The following POM121L2 variants were observed in gnomAD, a reference collection of about 807,000 sequenced individuals.
POM121L2 encodes the protein POM121 transmembrane nucleoporin like 2.
For missense variants in POM121L2, 1,167 were observed against 1,260.3 expected (o/e 0.93, Z 1.12); for synonymous variants, 459 against 483.8 (o/e 0.95, Z 0.67).
In POM121L2 at chr6:27,310,256, G is replaced by A; in HGVS notation, c.1915C>T (p.Pro639Ser). Residue 639 changes from proline to serine, a missense_variant, in exon 1 of 1, where the codon CCA (proline) becomes TCA (serine). By Grantham distance (74) the Pro-to-Ser change is moderately conservative. Coordinates refer to ENST00000444565, the MANE Select transcript of POM121L2 (RefSeq NM_033482.4). The stretch of plus-strand genomic sequence containing the variant: ...TTCACTACACCAAAATCCAAAGGTG[G>A]CTTAAAAACAGAGTCTTTAGATGTG... Reference protein sequence around the residue: ...ASTSKDSVFKPPLDFGVVNVT... With the variant: ...ASTSKDSVFKSPLDFGVVNVT... 6.4e-7 allele frequency: 1 copy of A among 1,552,352 alleles called. No homozygotes were observed. Among genetic ancestry groups the A allele is most frequent in the East Asian group, 2.4e-5 (1 of 40,918 alleles).
rs1299381741 is a variant in POM121L2 at position 27,309,927 on chromosome 6, C to G, written c.2244G>C (p.Leu748=). The G allele has an allele frequency of 2.6e-6, 4 of 1,551,578 alleles. No homozygotes were observed. Among genetic ancestry groups the G allele is most frequent in the Non-Finnish European group, 3.5e-6 (4 of 1,147,004 alleles). ...CCAAGGGACTTGTGATTGCTGGAGT[C>G]AGGTTGGAGATGCTGGGGGTTGATG... is the stretch of plus-strand genomic sequence containing the variant. ...WLASTPSISN[L]TPAITSPLGS... is the part of the protein sequence containing the mutation. Residue 748 remains leucine, a synonymous_variant, in exon 1 of 1, where the codon CTG becomes CTC. Coordinates refer to ENST00000444565, the MANE Select transcript of POM121L2 (RefSeq NM_033482.4).
Position 27,309,873 on chromosome 6 carries a change from T to G in POM121L2, c.2298A>C (p.Leu766=). The change falls in exon 1 of 1, where the codon CTA becomes CTC. Residue 766 remains leucine (L), a synonymous_variant. Coordinates refer to ENST00000444565, the MANE Select transcript of POM121L2 (RefSeq NM_033482.4). ...LGSSSRPPFP[L]SQGANPQPAF... is the part of the protein sequence containing the mutation. ...CAGGCTGGGGATTAGCTCCTTGGGA[T>G]AGTGGGAAAGGTGGCCTTGAGCTTG... The G allele has an allele frequency of 6.4e-7, 1 of 1,551,694 alleles. No individual in the cohort carries two copies. The highest frequency in any genetic ancestry group is 8.7e-7 in the Non-Finnish European group (1 of 1,146,984).
Position 27,309,811 on chromosome 6 carries a change from G to A in POM121L2, c.2360C>T (p.Ser787Phe). ...GATNGQKQGP[S>F]QPALMPSVSS... ...GACACTTGGCATAAGGGCTGGCTGGGAAGGCCCTTGTTTCTGTCCATTTGT... is the reference window on the plus strand; with the variant it reads ...GACACTTGGCATAAGGGCTGGCTGGAAAGGCCCTTGTTTCTGTCCATTTGT... The change falls in exon 1 of 1, where the codon TCC (serine) becomes TTC (phenylalanine). Residue 787 changes from serine (S) to phenylalanine (F), a missense_variant. Ser to Phe is a radical substitution (Grantham distance 155). Coordinates refer to ENST00000444565, the MANE Select transcript of POM121L2 (RefSeq NM_033482.4). 1.3e-6 allele frequency: 2 copies of A among 1,551,776 alleles called. No individual in the cohort carries two copies. The highest frequency in any genetic ancestry group is 2.4e-5 in the South Asian group (2 of 84,064).
chr6:27,308,770 C>T lies in POM121L2; in HGVS notation c.*293G>A, dbSNP rs988356968. 6.6e-6 allele frequency among the ~76,000 whole-genome samples: 1 copy of T among 152,152 alleles called. No homozygotes were observed. Among genetic ancestry groups the T allele is most frequent in the African/African-American group, 2.4e-5 (1 of 41,444 alleles). ...TTGGAAAGTCTGGATATTATAGATC[C>T]TGCTGCTGTGCACACTGCACACCTG... On this transcript the variant is annotated 3_prime_UTR_variant, in exon 1 of 1. Coordinates refer to ENST00000444565, the MANE Select transcript of POM121L2 (RefSeq NM_033482.4).
Position 27,309,748 on chromosome 6 carries a change from A to G in POM121L2, c.2423T>C (p.Leu808Ser). The G allele has an allele frequency of 6.4e-7, 1 of 1,551,712 alleles. No individual in the cohort carries two copies. The highest frequency in any genetic ancestry group is 8.7e-7 in the Non-Finnish European group (1 of 1,146,982). ...AGCTGGAGTTGGCATGGGGGTTGGC[A>G]ATGCCACTGCTGAGCTCCCAAAAAG... Reference protein sequence around the residue: ...SFLFGSSAVALPTPMPTPAQP... With the variant: ...SFLFGSSAVASPTPMPTPAQP... The change falls in exon 1 of 1, where the codon TTG becomes TCG. Residue 808 changes from leucine to serine, a missense_variant. By Grantham distance (145) the Leu-to-Ser change is moderately radical (BLOSUM62 -2). Transcript: ENST00000444565.
In POM121L2 at chr6:27,308,958, G is replaced by T; in HGVS notation, c.*105C>A. On this transcript the variant is annotated 3_prime_UTR_variant, in exon 1 of 1. Transcript: ENST00000444565. ...CACAGTGTGAACATCTAAAGCTCCA[G>T]TTTTAGATCTGGAGTATGTTTACTT... The T allele has an allele frequency of 1.2e-6, 1 of 869,260 alleles. No homozygotes were observed. Among genetic ancestry groups the T allele is most frequent in the Non-Finnish European group, 1.8e-6 (1 of 569,878 alleles). 53.8% of individuals were successfully genotyped at this position (869,260 alleles called of 1,614,324 possible).
rs1210988204 is a variant in POM121L2, at chr6:27,309,221, T to C, written c.2950A>G (p.Ser984Gly). Residue 984 changes from serine to glycine, a missense_variant, in exon 1 of 1, where the codon AGT (serine) becomes GGT (glycine). Coordinates refer to ENST00000444565, the MANE Select transcript of POM121L2 (RefSeq NM_033482.4). ...PVPGQAKAGS[S>G]VGFGMPFPPA... is the part of the protein sequence containing the mutation. ...GGAAAAGGCATCCCAAAGCCAACAC[T>C]GCTGCCTGCCTTAGCTTGTCCAGGG... 1.3e-6 allele frequency: 2 copies of C among 1,551,820 alleles called. No homozygotes were observed. Among genetic ancestry groups the C allele is most frequent in the Admixed American group, 2.0e-5 (1 of 51,012 alleles).
rs1760705263 is a variant in POM121L2 at position 27,309,002 on chromosome 6, TGAGG to T, written c.*57_*60del. 3.1e-6 allele frequency: 4 copies of T among 1,296,486 alleles called. No homozygotes were observed. The Middle Eastern group carries it at 6.9e-4, about 224-fold the overall frequency. The allele number at this position is 1,296,486 out of a possible 1,614,324, so 80.3% of individuals were successfully genotyped here. A position where few individuals can be genotyped will look rare whatever the true frequency, so the allele number is the denominator to read the frequency against. Reference sequence around the variant, plus strand: ...TTTACTTTAGAAAATTGGAAGACACTGAGGTTTTTCAAAAACAATACTGAGGTCT... The same window carrying T: ...TTTACTTTAGAAAATTGGAAGACACTTTTTTCAAAAACAATACTGAGGTCT... On this transcript the variant is annotated 3_prime_UTR_variant, in exon 1 of 1. Coordinates refer to ENST00000444565, the MANE Select transcript of POM121L2 (RefSeq NM_033482.4).
In POM121L2 at chr6:27,311,195, A is replaced by G. The variant is rs1299238855; in HGVS notation, c.976T>C (p.Ser326Pro). 12 of 1,551,850 alleles carry G rather than the reference A, an allele frequency of 7.7e-6. No individual in the cohort carries two copies. In the Admixed American group the frequency reaches 1.2e-4, roughly 15 times the overall value. ...QQNQKIPQLP[S>P]SPENLVSEIP... is the part of the protein sequence containing the mutation. The stretch of plus-strand genomic sequence containing the variant: ...TCTGACACCAGGTTCTCAGGGCTAG[A>G]CGGCAGCTGTGGAATCTTCTGGTTT... The change falls in exon 1 of 1, where the codon TCT becomes CCT. Residue 326 changes from serine to proline, a missense_variant. Physicochemically the swap from Ser to Pro is moderately conservative, Grantham distance 74. Coordinates refer to ENST00000444565, the MANE Select transcript of POM121L2 (RefSeq NM_033482.4).
In POM121L2 at chr6:27,311,853, C is replaced by A. The variant is rs16897557; in HGVS notation, c.318G>T (p.Trp106Cys). ...AAATTGGCCTGGGATGTCGAAGAGA[C>A]CAAATAGTCCGCTTTAAGTAACTTT... ...WWESYLKRTI[W>C]SLRHPRPIWS... is the part of the protein sequence containing the mutation. The change falls in exon 1 of 1, where the codon TGG (tryptophan) becomes TGT (cysteine). Residue 106 changes from tryptophan to cysteine, a missense_variant. Trp to Cys is a radical substitution (Grantham distance 215). Transcript: ENST00000444565. 19,924 of 1,551,684 alleles carry A rather than the reference C, an allele frequency of 0.013. 341 individuals are homozygous for A. Among genetic ancestry groups the A allele is most frequent in the East Asian group, 0.071 (2,887 of 40,912 alleles).
In POM121L2 at chr6:27,311,116, C is replaced by T. The variant is rs540957976; in HGVS notation, c.1055G>A (p.Gly352Glu). 1.1e-5 allele frequency: 17 copies of T among 1,551,766 alleles called. 1 individual carries two copies. In the African/African-American group the frequency reaches 1.9e-4, roughly 17 times the overall value. ...GCTTACCTGTAGCTCAGCTTTCTTCCCCAAAGTCAAGTTCTCATCAGAGAC... is the reference window on the plus strand; with the variant it reads ...GCTTACCTGTAGCTCAGCTTTCTTCTCCAAAGTCAAGTTCTCATCAGAGAC... ...YAVSDENLTL[G>E]KKAELQVSNN... is the part of the protein sequence containing the mutation. Residue 352 changes from glycine to glutamate, a missense_variant, in exon 1 of 1, where the codon GGG becomes GAG. Physicochemically the swap from Gly to Glu is moderately conservative, Grantham distance 98. Transcript: ENST00000444565.
Position 27,311,196 on chromosome 6 carries a change from C to A in POM121L2, c.975G>T (p.Pro325=), listed in dbSNP as rs370831304. The A allele has an allele frequency of 6.4e-7, 1 of 1,551,942 alleles. No homozygotes were observed. The highest frequency in any genetic ancestry group is 8.7e-7 in the Non-Finnish European group (1 of 1,147,060). The change falls in exon 1 of 1, where the codon CCG becomes CCT. Residue 325 remains proline, a synonymous_variant. Coordinates refer to ENST00000444565, the MANE Select transcript of POM121L2 (RefSeq NM_033482.4). ...GQQNQKIPQL[P]SSPENLVSEI... is the part of the protein sequence containing the mutation. ...CTGACACCAGGTTCTCAGGGCTAGA[C>A]GGCAGCTGTGGAATCTTCTGGTTTT...
chr6:27,311,771 A>G lies in POM121L2; in HGVS notation c.400T>C (p.Ser134Pro). Reference sequence around the variant, plus strand: ...GCAAGGGCAATTACATCTTCAGGAGAAGTGGAAGGGGGCACTCTCTGGTCA... The same window carrying G: ...GCAAGGGCAATTACATCTTCAGGAGGAGTGGAAGGGGGCACTCTCTGGTCA... ...PPDQRVPPST[S>P]PEDVIALAGL... is the part of the protein sequence containing the mutation. The change falls in exon 1 of 1, where the codon TCT becomes CCT. Residue 134 changes from serine (S) to proline (P), a missense_variant. Ser to Pro is a moderately conservative substitution (Grantham distance 74). Coordinates refer to ENST00000444565, the MANE Select transcript of POM121L2 (RefSeq NM_033482.4). 2 of 1,551,708 alleles carry G rather than the reference A, an allele frequency of 1.3e-6. No individual in the cohort carries two copies. Among genetic ancestry groups the G allele is most frequent in the Admixed American group, 3.9e-5 (2 of 51,002 alleles).
rs368065166 is a variant in POM121L2 at position 27,309,131 on chromosome 6, C to T, written c.3040G>A (p.Ala1014Thr). Residue 1014 changes from alanine to threonine, a missense_variant, in exon 1 of 1, where the codon GCA (alanine) becomes ACA (threonine). By Grantham distance (58) the Ala-to-Thr change is moderately conservative. Coordinates refer to ENST00000444565, the MANE Select transcript of POM121L2 (RefSeq NM_033482.4). Reference protein sequence around the residue: ...RSSASSFSIGAKSKTPKNREK... With the variant: ...RSSASSFSIGTKSKTPKNREK... ...CGATTCTTTGGGGTTTTTGATTTTG[C>T]GCCAATGGAAAATGAAGAGGCTGAT... 71 of 1,551,720 alleles carry T rather than the reference C, an allele frequency of 4.6e-5. No individual in the cohort carries two copies. In the African/African-American group the frequency reaches 8.2e-4, roughly 18 times the overall value.
Position 27,309,814 on chromosome 6 carries a change from G to A in POM121L2, c.2357C>T (p.Pro786Leu), listed in dbSNP as rs1434874008. Residue 786 changes from proline to leucine, a missense_variant, in exon 1 of 1, where the codon CCT becomes CTT. Transcript: ENST00000444565. ...FGATNGQKQG[P>L]SQPALMPSVS... is the part of the protein sequence containing the mutation. ...ACTTGGCATAAGGGCTGGCTGGGAA[G>A]GCCCTTGTTTCTGTCCATTTGTGGC... 4 of 1,551,784 alleles carry A rather than the reference G, an allele frequency of 2.6e-6. No homozygotes were observed. The highest frequency in any genetic ancestry group is 3.5e-6 in the Non-Finnish European group (4 of 1,147,012).
rs1211652648 is a variant in POM121L2, at chr6:27,308,432, A to G, written c.*631T>C. On this transcript the variant is annotated 3_prime_UTR_variant, in exon 1 of 1. Coordinates refer to ENST00000444565, the MANE Select transcript of POM121L2 (RefSeq NM_033482.4). The stretch of plus-strand genomic sequence containing the variant: ...ATTTTTGAGAAAAAAATGGAAATAA[A>G]TGTTCTTCAACAGGTGAATGGATAA... 1.3e-5 allele frequency among the ~76,000 whole-genome samples: 2 copies of G among 152,212 alleles called. No homozygotes were observed. Among genetic ancestry groups the G allele is most frequent in the Non-Finnish European group, 2.9e-5 (2 of 68,036 alleles).
rs1488589503 is a variant in POM121L2, at chr6:27,310,630, C to T, written c.1541G>A (p.Ser514Asn). 7 of 1,551,780 alleles carry T rather than the reference C, an allele frequency of 4.5e-6. No homozygotes were observed. Among genetic ancestry groups the T allele is most frequent in the Non-Finnish European group, 5.2e-6 (6 of 1,147,056 alleles). Reference protein sequence around the residue: ...IQSTLLGMVSSPTSHLSASAP... With the variant: ...IQSTLLGMVSNPTSHLSASAP... ...AGATGCAGAAAGATGGGATGTTGGG[C>T]TACTCACCATTCCAAGCAAAGTACT... Residue 514 changes from serine (S) to asparagine (N), a missense_variant, in exon 1 of 1, where the codon AGC (serine) becomes AAC (asparagine). Physicochemically the swap from Ser to Asn is conservative, Grantham distance 46. Transcript: ENST00000444565.
At position 27,310,906 on chromosome 6, in the gene POM121L2, TGTG is replaced by T; in HGVS notation, c.1262_1264del (p.Pro421del). The T allele has an allele frequency of 6.4e-7, 1 of 1,551,868 alleles. No homozygotes were observed. Among genetic ancestry groups the T allele is most frequent in the Non-Finnish European group, 8.7e-7 (1 of 1,146,986 alleles). ...CACACTGGTTGCCTCTCCCGTGGAC[TGTG>T]GAGAGGCCAGTGGACCTAGAGACTT... On this transcript the variant is annotated inframe_deletion, in exon 1 of 1. Coordinates refer to ENST00000444565, the MANE Select transcript of POM121L2 (RefSeq NM_033482.4).
In POM121L2 at chr6:27,311,580, C is replaced by T. The variant is rs1242274278; in HGVS notation, c.591G>A (p.Lys197=). 3 of 1,551,748 alleles carry T rather than the reference C, an allele frequency of 1.9e-6. No individual in the cohort carries two copies. Among genetic ancestry groups the T allele is most frequent in the Non-Finnish European group, 2.6e-6 (3 of 1,147,022 alleles). The change falls in exon 1 of 1, where the codon AAG becomes AAA. Residue 197 remains lysine, a synonymous_variant. Transcript: ENST00000444565. ...TGAGGGTTCCATTTTTCATCAGGGGCTTAAATGCCGATGGTCTGGTCTCTG... is the reference window on the plus strand; with the variant it reads ...TGAGGGTTCCATTTTTCATCAGGGGTTTAAATGCCGATGGTCTGGTCTCTG... ...RSPETRPSAF[K]PLMKNGTLTS...
Sources: allele counts gnomAD v4.1 joint callset (sites outside exome capture counted in the v4.1 genomes callset), GRCh38; gene constraint gnomAD v4.1.1; transcripts MANE v1.5; gene names NCBI Gene and HGNC (gene_info 2026-07-23, HGNC 2026-07-21).